DUS2: variants seen among roughly 807,000 people sequenced by gnomAD.
The protein encoded by DUS2 is tRNA-dihydrouridine(20) synthase [NAD(P)+]-like.
Under a neutral mutation model 71.3 loss-of-function variants are expected in DUS2, and 52 were observed. The ratio of observed to expected loss-of-function variants is 0.73; its 90% CI spans 0.58 to 0.92. The LOEUF (loss-of-function observed/expected upper bound fraction) is 0.92. DUS2 is among the 40% of genes least tolerant of loss of function. The pLI is 0.00. For synonymous variants in DUS2, 204 were observed against 227.8 expected, an observed-to-expected ratio of 0.90 and a Z score of 0.94; for missense variants, 558 against 622.6, an observed-to-expected ratio of 0.90 and a Z score of 1.10.
In DUS2 at chr16:68,078,937, C is replaced by G. The variant is rs2034199280; in HGVS notation, c.1433C>G (p.Pro478Arg). 2 of 1,598,854 alleles carry G rather than the reference C, an allele frequency of 1.3e-6. No homozygotes were observed. Among genetic ancestry groups the G allele is most frequent in the African/African-American group, 2.7e-5 (2 of 74,390 alleles). ...LAQPGDLCKKPFVALGSGEES... is the reference protein window; with the variant it reads ...LAQPGDLCKKRFVALGSGEES... ...CAACCTGGGGATCTGTGCAAGAAGC[C>G]CTTTGTGGCCTTGGGAAGTGGTGAA... The change falls in exon 17 of 17, where the codon CCC becomes CGC. Residue 478 changes from proline (P) to arginine (R), a missense_variant. Physicochemically the swap from Pro to Arg is moderately radical, Grantham distance 103. Coordinates refer to ENST00000565263, the MANE Select transcript of DUS2 (RefSeq NM_017803.5).
intron 3 of DUS2, among the ~76,000 whole-genome samples, chr16:68,047,255 C>T (rs1187541147): frequency 7.1e-6 from 1 of 140,320 alleles, no homozygotes; most frequent in African/African-American, 2.7e-5. Flanking sequence ...GGAGTTTCAC[C>T]ATGTTGGCCA....
At position 68,061,063 on chromosome 16, in the gene DUS2, T is replaced by G. The variant is rs962498498; in HGVS notation, c.370-3T>G. 1.2e-6 allele frequency: 2 copies of G among 1,613,768 alleles called. No homozygotes were observed. Among genetic ancestry groups the G allele is most frequent in the Non-Finnish European group, 1.7e-6 (2 of 1,179,898 alleles). ...AGAAGACCTTTTGTGTGTTTCTCCT[T>G]AGGGAGGAATGGGAGCTGCCCTGCT... is the stretch of plus-strand genomic sequence containing the variant. On this transcript the variant is annotated splice_polypyrimidine_tract_variant and splice_region_variant and intron_variant, in intron 7 of 16. Transcript: ENST00000565263.
chr16:68,030,101 T>C (rs1290919059), intron 2 of DUS2, among the ~76,000 whole-genome samples: 1 of 151,986 alleles, frequency 6.6e-6, no homozygotes, highest in Non-Finnish European at 1.5e-5. Context: ...GGGAAGGGAA[T>C]GGTAAAGTTT....
intron 3 of DUS2, 79 bp from the exon 4 acceptor site, chr16:68,049,426 A>C: frequency 6.8e-7 from 1 of 1,474,260 alleles, no homozygotes; most frequent in East Asian, 2.3e-5. Context: ...AGCGATCCTC[A>C]TTAGGTGTGT....
chr16:68,078,844 C>T lies in DUS2; in HGVS notation c.1340C>T (p.Ser447Phe). 6.2e-7 allele frequency: 1 copy of T among 1,613,816 alleles called. No homozygotes were observed. The highest frequency in any genetic ancestry group is 8.5e-7 in the Non-Finnish European group (1 of 1,179,886). ...GGTCGGCTGGGTGAGGAGAGCCCTTCCTTGCACAAGCGAAAGAGGGAGGCT... is the reference window on the plus strand; with the variant it reads ...GGTCGGCTGGGTGAGGAGAGCCCTTTCTTGCACAAGCGAAAGAGGGAGGCT... ...PEGRLGEESP[S>F]LHKRKREAPD... Residue 447 changes from serine (S) to phenylalanine (F), a missense_variant, in exon 17 of 17, where the codon TCC becomes TTC. Ser to Phe is a radical substitution (Grantham distance 155). Transcript: ENST00000565263.
In DUS2 at chr16:68,076,634, G is replaced by C. The variant is rs778897833; in HGVS notation, c.1085G>C (p.Arg362Thr). The C allele has an allele frequency of 2.5e-6, 4 of 1,613,718 alleles. No homozygotes were observed. Among genetic ancestry groups the C allele is most frequent in the Non-Finnish European group, 3.4e-6 (4 of 1,179,686 alleles). ...ACTGCTTCCCTTCCTTTCCCCAGGA[G>C]AGCATACCCAGCCCAGATCACCCCT... ...VIKMAVKFDR[R>T]AYPAQITPKM... The change falls in exon 15 of 17, where the codon AGA becomes ACA. Residue 362 changes from arginine to threonine, a missense_variant and splice_region_variant. Physicochemically the swap from Arg to Thr is moderately conservative, Grantham distance 71. Transcript: ENST00000565263.
intron 1 of DUS2, chr16:68,023,670 G>GA (rs2033295224): frequency 5.8e-6 from 1 of 172,878 alleles, no homozygotes; most frequent in African/African-American, 2.4e-5. Context: ...CCTAGGGGCC[G>GA]AGACAGGGGT....
At chr16:68,029,644 G>C (rs1009422127) in intron 2 of DUS2, among the ~76,000 whole-genome samples, 1 of 151,782 alleles carries the variant, frequency 6.6e-6, no homozygotes, top group Non-Finnish European at 1.5e-5. Context: ...GATGGGGTTT[G>C]CCATGTTGCC....
At chr16:68,034,966 A>G (rs1002076867) in intron 2 of DUS2, among the ~76,000 whole-genome samples, 3 of 152,242 alleles carry the variant, frequency 2.0e-5, no homozygotes, top group Admixed American at 2.0e-4. Context: ...GCACCACTGC[A>G]CCACTCTAGC....
intron 16 of DUS2, 59 bp downstream of exon 16, chr16:68,078,577 C>T: frequency 6.4e-7 from 1 of 1,573,862 alleles, no homozygotes; most frequent in Non-Finnish European, 8.7e-7. Context: ...GGGCATTCTG[C>T]CCACACATCC....
Position 68,023,346 on chromosome 16 carries a change from T to TGGCATGAACCCGGGAA in DUS2, c.-103_-102insGCATGAACCCGGGAAG. ...GCGAGGTTCTTTTTAAGAGTTCAGC[T>TGGCATGAACCCGGGAA]GCGAGGTCTGTAGCTCCGAATAGGG... On this transcript the variant is annotated 5_prime_UTR_variant, in exon 1 of 17. In the 5' UTR this introduces an upstream ATG that the reference lacks. Coordinates refer to ENST00000565263, the MANE Select transcript of DUS2 (RefSeq NM_017803.5). 9.8e-7 allele frequency: 1 copy of TGGCATGAACCCGGGAA among 1,022,478 alleles called. No homozygotes were observed. Among genetic ancestry groups the TGGCATGAACCCGGGAA allele is most frequent in the Non-Finnish European group, 1.4e-6 (1 of 711,936 alleles). The allele number at this position is 1,022,478 out of a possible 1,614,324, so 63.3% of individuals were successfully genotyped here. A position where few individuals can be genotyped will look rare whatever the true frequency, so the allele number is the denominator to read the frequency against.
In DUS2 at chr16:68,071,029, C is replaced by G. The variant is rs978943511; in HGVS notation, c.731C>G (p.Ala244Gly). Residue 244 changes from alanine (A) to glycine (G), a missense_variant, in exon 12 of 17, where the codon GCA becomes GGA. Transcript: ENST00000565263. Reference protein sequence around the residue: ...TAASSVMVARAAMWNPSIFLK... With the variant: ...TAASSVMVARGAMWNPSIFLK... ...GCCTCTTCCGTGATGGTGGCCCGAG[C>G]AGCCATGTGGAACCCATCTATCTTC... 4 of 1,614,226 alleles carry G rather than the reference C, an allele frequency of 2.5e-6. No homozygotes were observed. The Admixed American group carries it at 5.0e-5, about 20-fold the overall frequency.
intron 13 of DUS2, 134 bp downstream of exon 13, chr16:68,074,289 A>T (rs1044531719): frequency 1.7e-6 from 2 of 1,198,774 alleles, no homozygotes. Context: ...GAGTGATGGT[A>T]CAGCTTTGCC....
chr16:68,066,744 A>G, intron 10 of DUS2, 108 bp downstream of exon 10: 1 of 1,125,674 alleles, frequency 8.9e-7, no homozygotes, highest in Non-Finnish European at 1.3e-6. Flanking sequence ...TCTTCTACAT[A>G]TTCAGCCTAC....
chr16:68,049,734 A>G (rs562823488), intron 4 of DUS2, among the ~76,000 whole-genome samples, 184 bp downstream of exon 4: 1 of 152,336 alleles, frequency 6.6e-6, no homozygotes, highest in Admixed American at 6.5e-5. Context: ...GATGTGAAAC[A>G]GGCTGAGAGT....
chr16:68,071,591 T>G (rs1481211921), intron 12 of DUS2, among the ~76,000 whole-genome samples: 1 of 152,112 alleles, frequency 6.6e-6, no homozygotes, highest in Non-Finnish European at 1.5e-5. Flanking sequence ...ACTTTTCTCT[T>G]GCTAATTCCA....
intron 3 of DUS2, among the ~76,000 whole-genome samples, chr16:68,047,333 C>T (rs1002346252): frequency 1.3e-5 from 2 of 152,012 alleles, no homozygotes; most frequent in Non-Finnish European, 2.9e-5. Context: ...GGATTACAGG[C>T]GTGAGCTGCC....
rs372818688 is a variant in DUS2 at position 68,070,138 on chromosome 16, C to T, written c.559C>T (p.Arg187Trp). ...CCCCATCTTTCTATCTCCAAGGAAG[C>T]GGGAGGAGCGACCTCAGCATCCTGT... ...IAAIAVHGRK[R>W]EERPQHPVSC... Residue 187 changes from arginine (R) to tryptophan (W), a missense_variant, in exon 11 of 17, where the codon CGG becomes TGG. Coordinates refer to ENST00000565263, the MANE Select transcript of DUS2 (RefSeq NM_017803.5). 1.1e-5 allele frequency: 17 copies of T among 1,613,790 alleles called. No individual in the cohort carries two copies. Among genetic ancestry groups the T allele is most frequent in the Middle Eastern group, 1.6e-4 (1 of 6,084 alleles).
intron 2 of DUS2, among the ~76,000 whole-genome samples, chr16:68,035,900 A>T (rs1421505883): frequency 2.0e-5 from 1 of 48,928 alleles, no homozygotes; most frequent in Admixed American, 2.2e-4. Context: ...ATATATATAT[A>T]TATATATATA....
Sources: allele counts gnomAD v4.1 joint callset (sites outside exome capture counted in the v4.1 genomes callset), GRCh38; gene constraint gnomAD v4.1.1; transcripts MANE v1.5; gene names NCBI Gene and HGNC (gene_info 2026-07-23, HGNC 2026-07-21).